The following ABHD12 variants were observed in gnomAD, a reference collection of about 807,000 sequenced individuals.
ABHD12 encodes lysophosphatidylserine lipase ABHD12.
A neutral mutation model predicts 58.3 loss-of-function variants in ABHD12; 43 were observed. The observed-to-expected ratio is 0.74, with a 90% CI of 0.58 to 0.95. The LOEUF (loss-of-function observed/expected upper bound fraction) is 0.95, where lower values mean the gene tolerates loss of function less well. Among genes scored for constraint, ABHD12 ranks in the 40% least tolerant of loss-of-function variants. ABHD12 has a pLI of 0.00. For missense variants in ABHD12, 539 were observed against 537.2 expected, an observed-to-expected ratio of 1.00 and a Z score of -0.03; for synonymous variants, 219 against 211.2, an observed-to-expected ratio of 1.04 and a Z score of -0.32.
In ABHD12 at chr20:25,384,323, C is replaced by A. The variant is rs2090060507; in HGVS notation, c.191+6190G>T. ...GCCCAGAATTTAAAAACAAAAAAAA[C>A]TGGTTTGGGGTTTTTTTTTTAACCT... On this transcript the variant is annotated intron_variant, in intron 1 of 12. Transcript: ENST00000339157. 2.1e-5 allele frequency among the ~76,000 whole-genome samples: 3 copies of A among 145,902 alleles called. No individual in the cohort carries two copies. The South Asian group carries it at 6.4e-4, about 31-fold the overall frequency.
At chr20:25,298,935 C>G (rs1216468756), downstream of ABHD12, among the ~76,000 whole-genome samples, 3 of 152,188 alleles carry the variant, frequency 2.0e-5, no homozygotes, top group Non-Finnish European at 4.4e-5. Context: ...CTGGGAGTCT[C>G]TGCCTCCCCA....
At chr20:25,335,070 A>C (rs2089341026) in intron 2 of ABHD12, among the ~76,000 whole-genome samples, 1 of 150,708 alleles carries the variant, frequency 6.6e-6, no homozygotes, top group African/African-American at 2.4e-5. Flanking sequence ...ACAAAGGGCT[A>C]ATATCCAGAA....
intron 5 of ABHD12, 81 bp from the exon 6 acceptor site, chr20:25,315,051 C>A: frequency 7.1e-7 from 1 of 1,400,770 alleles, no homozygotes; most frequent in South Asian, 1.2e-5. Context: ...CTAAACTCAT[C>A]CAACTTTCTC....
At chr20:25,386,407 C>T (rs1007300257) in intron 1 of ABHD12, among the ~76,000 whole-genome samples, 4 of 150,932 alleles carry the variant, frequency 2.7e-5, no homozygotes, top group East Asian at 2.0e-4. Context: ...TACAGGCGCC[C>T]GCCACCACGC....
chr20:25,318,426 T>C (rs953981878), intron 4 of ABHD12, among the ~76,000 whole-genome samples: 6 of 152,202 alleles, frequency 3.9e-5, no homozygotes, highest in African/African-American at 1.4e-4. Context: ...TTCTAAAATT[T>C]CCTACATTAA....
At chr20:25,294,887 C>T in exon 13 of ABHD12, 1 of 1,471,204 alleles carries the variant, frequency 6.8e-7, no homozygotes, top group African/African-American at 1.4e-5. Context: ...GCTGGGAATT[C>T]ACCTGCCCTC....
chr20:25,322,381 A>ATATATATATATATATATATTTTT, intron 3 of ABHD12, among the ~76,000 whole-genome samples: 24 of 59,258 alleles, frequency 4.1e-4, no homozygotes, highest in African/African-American at 1.7e-3. Flanking sequence ...ATATATATAT[A>ATATATATATATATATATATTTTT]TTTTTTTTTT....
rs999895335 is a variant in ABHD12 at position 25,315,412 on chromosome 20, G to A, written c.574-442C>T. Among the ~76,000 whole-genome samples the A allele has an allele frequency of 3.3e-5, 5 of 152,270 alleles. No homozygotes were observed. In the East Asian group the frequency reaches 9.7e-4, roughly 29 times the overall value. On this transcript the variant is annotated intron_variant, in intron 5 of 12. Transcript: ENST00000339157. ...CAACCCAGTATTTCTTGGATTTTAA[G>A]CTCTTGTCAATTTTTTTTTCTGTTA...
At chr20:25,302,031 A>G (rs2088644483) in intron 12 of ABHD12, among the ~76,000 whole-genome samples, 188 bp downstream of exon 12, 1 of 152,194 alleles carries the variant, frequency 6.6e-6, no homozygotes. Flanking sequence ...TCATGTGAAC[A>G]GTCCTGGAGC....
chr20:25,371,557 T>C (rs935948915), intron 1 of ABHD12, among the ~76,000 whole-genome samples: 5 of 152,194 alleles, frequency 3.3e-5, no homozygotes, highest in Admixed American at 2.6e-4. Flanking sequence ...CATGAACTAA[T>C]AAAATGTTCT....
At position 25,339,295 on chromosome 20, in the gene ABHD12, T is replaced by C; in HGVS notation, c.248A>G (p.Tyr83Cys). The C allele has an allele frequency of 1.9e-6, 3 of 1,614,192 alleles. No individual in the cohort carries two copies. Among genetic ancestry groups the C allele is most frequent in the Non-Finnish European group, 2.5e-6 (3 of 1,180,028 alleles). The change falls in exon 2 of 13, where the codon TAC becomes TGC. Residue 83 changes from tyrosine to cysteine, a missense_variant. Coordinates refer to ENST00000339157, the MANE Select transcript of ABHD12 (RefSeq NM_001042472.3). ...RKILFCVLGL[Y>C]IAIPFLIKLC... is the part of the protein sequence containing the mutation. ...TTTGATGAGAAATGGAATGGCAATG[T>C]ACAACCCCAAAACACAGAAAAGTAT... is the stretch of plus-strand genomic sequence containing the variant.
intron 1 of ABHD12, among the ~76,000 whole-genome samples, chr20:25,347,650 A>T (rs7268053): frequency 0.55 from 81,618 of 149,600 alleles, 22,602 homozygotes; most frequent in Admixed American, 0.61. Flanking sequence ...AAACAGGGAG[A>T]CTCTGTCTCT....
chr20:25,390,449 G>C, intron 1 of ABHD12, 64 bp downstream of exon 1: 1 of 1,359,594 alleles, frequency 7.4e-7, no homozygotes, highest in South Asian at 1.6e-5. Context: ...GCCCCCTGCG[G>C]GACGCACCTG....
At chr20:25,300,099 TA>T (rs2088608466), downstream of ABHD12, 1 of 769,606 alleles carries the variant, frequency 1.3e-6, no homozygotes, top group Admixed American at 6.3e-5. Flanking sequence ...GAAAATTTCA[TA>T]GTCTGAGGCT....
intron 1 of ABHD12, among the ~76,000 whole-genome samples, chr20:25,369,006 C>G (rs186070382): frequency 1.3e-5 from 2 of 151,942 alleles, no homozygotes; most frequent in Admixed American, 1.3e-4. Context: ...ACCTATAGTC[C>G]CAGCTACTCG....
downstream of ABHD12, chr20:25,297,647 T>C (rs949780519): frequency 6.6e-6 from 1 of 152,288 alleles, no homozygotes; most frequent in Admixed American, 6.5e-5. Context: ...TGCCTCCCAT[T>C]GCCCAAGAGA....
intron 2 of ABHD12, among the ~76,000 whole-genome samples, chr20:25,336,247 G>A (rs565499048): frequency 1.7e-4 from 26 of 151,554 alleles, no homozygotes; most frequent in Non-Finnish European, 2.5e-4. Flanking sequence ...AATAAACTAC[G>A]GTGTTAACAA....
At chr20:25,364,382 C>A (rs767234152) in intron 1 of ABHD12, among the ~76,000 whole-genome samples, 4 of 152,186 alleles carry the variant, frequency 2.6e-5, no homozygotes, top group Non-Finnish European at 4.4e-5. Flanking sequence ...ACATCCACAT[C>A]TGGTGATGGC....
At chr20:25,308,782 C>T (rs1194122683) in intron 7 of ABHD12, among the ~76,000 whole-genome samples, 3 of 152,206 alleles carry the variant, frequency 2.0e-5, no homozygotes, top group Non-Finnish European at 4.4e-5. Context: ...GGCCGCCTGT[C>T]GGCTGGGGGT....
Sources: gnomAD v4.1 joint callset for allele counts (sites outside exome capture counted in the v4.1 genomes callset) on GRCh38, gnomAD v4.1.1 for gene constraint, MANE v1.5 for transcripts, NCBI Gene and HGNC (gene_info 2026-07-23, HGNC 2026-07-21) for gene names.